The following CSMD3 variants were observed in gnomAD, a reference collection of about 807,000 sequenced individuals.
CSMD3 encodes the protein CUB and sushi domain-containing protein 3.
CSMD3 carries 177 observed loss-of-function variants against 435.2 expected under a neutral mutation model. The observed-to-expected ratio is 0.41, with a 90% CI of 0.36 to 0.46. The LOEUF is 0.46. CSMD3 is among the 20% of genes least tolerant of loss of function. The pLI is 0.34. For synonymous variants in CSMD3, 1,656 were observed against 1,520.5 expected, an observed-to-expected ratio of 1.09 and a Z score of -2.07; for missense variants, 4,265 against 4,504.6, an observed-to-expected ratio of 0.95 and a Z score of 1.52.
At chr8:112,694,862 C>G (rs2076217988) in intron 13 of CSMD3, among the ~76,000 whole-genome samples, 1 of 152,096 alleles carries the variant, frequency 6.6e-6, no homozygotes, top group Admixed American at 6.6e-5. Context: ...CAGCTCCAGT[C>G]TACAGCTCCC....
intron 12 of CSMD3, among the ~76,000 whole-genome samples, chr8:112,810,694 A>G (rs565314696): frequency 4.6e-5 from 7 of 152,184 alleles, no homozygotes; most frequent in African/African-American, 1.7e-4. Context: ...ATCTCCAAAA[A>G]AATTGGAAAA....
At chr8:112,315,023 C>G (rs986935981) in intron 47 of CSMD3, among the ~76,000 whole-genome samples, 1 of 151,630 alleles carries the variant, frequency 6.6e-6, no homozygotes, top group African/African-American at 2.4e-5. Context: ...TCTCTTAAAC[C>G]TTCTACTCAC....
At chr8:112,457,986 T>A (rs1446450976) in intron 32 of CSMD3, among the ~76,000 whole-genome samples, 5 of 152,088 alleles carry the variant, frequency 3.3e-5, no homozygotes, top group Admixed American at 3.3e-4. Flanking sequence ...TCACCCAGGA[T>A]AAAGGATTAC....
intron 1 of CSMD3, among the ~76,000 whole-genome samples, chr8:113,383,259 G>T (rs575689855): frequency 5.9e-5 from 9 of 152,242 alleles, no homozygotes; most frequent in South Asian, 2.1e-4. Context: ...GATGGGATCA[G>T]TTTAAATAAT....
At chr8:112,649,506 T>C (rs1228447573) in intron 19 of CSMD3, among the ~76,000 whole-genome samples, 1 of 152,172 alleles carries the variant, frequency 6.6e-6, no homozygotes, top group Non-Finnish European at 1.5e-5. Flanking sequence ...TTAAATAATA[T>C]ATGGATTTAC....
At chr8:112,798,091 G>A (rs2078871015) in intron 13 of CSMD3, among the ~76,000 whole-genome samples, 2 of 151,818 alleles carry the variant, frequency 1.3e-5, no homozygotes, top group Admixed American at 6.6e-5. Flanking sequence ...GTGGTCTTCT[G>A]TGATGGGTAG....
chr8:112,711,396 T>C (rs2076606935), intron 13 of CSMD3, among the ~76,000 whole-genome samples: 1 of 152,102 alleles, frequency 6.6e-6, no homozygotes, highest in Non-Finnish European at 1.5e-5. Flanking sequence ...AAAAATAATA[T>C]GACAGGAAAA....
intron 5 of CSMD3, among the ~76,000 whole-genome samples, chr8:113,040,176 T>A (rs1026920772): frequency 6.6e-6 from 1 of 152,162 alleles, no homozygotes; most frequent in African/African-American, 2.4e-5. Context: ...TGTAGTTATA[T>A]GAGATATATC....
chr8:112,563,254 A>C (rs1828794583), intron 24 of CSMD3, among the ~76,000 whole-genome samples: 1 of 151,994 alleles, frequency 6.6e-6, no homozygotes, highest in South Asian at 2.1e-4. Context: ...TACAAAAATC[A>C]AACTTTAAAG....
chr8:112,370,024 GA>G (rs1415939887), intron 38 of CSMD3, among the ~76,000 whole-genome samples: 3 of 32,066 alleles, frequency 9.4e-5, no homozygotes, highest in South Asian at 1.7e-3. Flanking sequence ...AGAAGAAGAG[GA>G]AGAAGAAGAA....
chr8:113,404,304 A>G (rs2094522933), intron 1 of CSMD3, among the ~76,000 whole-genome samples: 2 of 151,498 alleles, frequency 1.3e-5, no homozygotes, highest in Non-Finnish European at 3.0e-5. Flanking sequence ...ACAGGAATAA[A>G]TTAGACATGC....
intron 45 of CSMD3, among the ~76,000 whole-genome samples, chr8:112,320,798 C>T (rs1822925500): frequency 6.6e-6 from 1 of 152,088 alleles, no homozygotes; most frequent in Non-Finnish European, 1.5e-5. Context: ...AATCAAGAAG[C>T]TATAACGTGA....
intron 42 of CSMD3, among the ~76,000 whole-genome samples, chr8:112,338,551 T>C (rs1469035258): frequency 1.3e-5 from 2 of 152,148 alleles, no homozygotes. Context: ...TTTAAATTTC[T>C]GAAAATCAAA....
intron 1 of CSMD3, among the ~76,000 whole-genome samples, chr8:113,368,663 T>C (rs976165200): frequency 1.3e-5 from 2 of 152,120 alleles, no homozygotes; most frequent in African/African-American, 2.4e-5. Flanking sequence ...AGCAATAACA[T>C]TGGCAAAGCA....
At chr8:112,505,729 T>C (rs1822431811) in intron 29 of CSMD3, among the ~76,000 whole-genome samples, 1 of 152,128 alleles carries the variant, frequency 6.6e-6, no homozygotes, top group Non-Finnish European at 1.5e-5. Flanking sequence ...TATTACCTTA[T>C]GTTTTACAAG....
intron 40 of CSMD3, among the ~76,000 whole-genome samples, chr8:112,349,312 AC>A (rs1825938460): frequency 6.6e-6 from 1 of 152,076 alleles, no homozygotes; most frequent in Admixed American, 6.5e-5. Context: ...AATTTTGAAA[AC>A]AATATGGTAT....
intron 1 of CSMD3, among the ~76,000 whole-genome samples, chr8:113,395,392 G>A (rs1168383708): frequency 6.6e-6 from 1 of 151,992 alleles, no homozygotes; most frequent in South Asian, 2.1e-4. Flanking sequence ...CGGATCATGA[G>A]GTCAGGAGAT....
chr8:112,534,153 A>G (rs1172354386), intron 27 of CSMD3, among the ~76,000 whole-genome samples: 1 of 152,180 alleles, frequency 6.6e-6, no homozygotes, highest in Non-Finnish European at 1.5e-5. Context: ...AGCTAGCAGA[A>G]GGCAAGAAAT....
At chr8:113,374,960 A>C (rs776210689) in intron 1 of CSMD3, among the ~76,000 whole-genome samples, 2 of 152,046 alleles carry the variant, frequency 1.3e-5, no homozygotes, top group Non-Finnish European at 2.9e-5. Context: ...TTGTTTTTAC[A>C]GTTGGAAGAC....
Sources: gnomAD v4.1 joint callset for allele counts (sites outside exome capture counted in the v4.1 genomes callset) on GRCh38, gnomAD v4.1.1 for gene constraint, MANE v1.5 for transcripts, NCBI Gene and HGNC (gene_info 2026-07-23, HGNC 2026-07-21) for gene names.